MAD1L1: variants seen among roughly 807,000 people sequenced by gnomAD.
MAD1L1 encodes mitotic arrest deficient 1 like 1.
A neutral mutation model predicts 96.9 loss-of-function variants in MAD1L1; 95 were observed. The ratio of observed to expected loss-of-function variants is 0.98; its 90% CI spans 0.83 to 1.16. The LOEUF is 1.16. MAD1L1 is among the 50% of genes most tolerant of loss of function. MAD1L1 has a pLI of 0.00. For synonymous variants in MAD1L1, 473 were observed against 396.6 expected, an observed-to-expected ratio of 1.19 and a Z score of -2.29; for missense variants, 1,007 against 954.4, an observed-to-expected ratio of 1.06 and a Z score of -0.73.
Position 1,976,966 on chromosome 7 carries a change from T to C in MAD1L1, c.1505+3487A>G, listed in dbSNP as rs150130700. Reference sequence around the variant, plus strand: ...TTACAAACCTTTAGCTAGACACAGATTGCTGATTGGTGCATTTACAATCCT... The same window carrying C: ...TTACAAACCTTTAGCTAGACACAGACTGCTGATTGGTGCATTTACAATCCT... On this transcript the variant is annotated intron_variant, in intron 15 of 18. Coordinates refer to ENST00000265854, the MANE Select transcript of MAD1L1 (RefSeq NM_001013836.2). Among the ~76,000 whole-genome samples the C allele has an allele frequency of 3.1e-3, 474 of 152,234 alleles. 1 individual carries two copies. Among genetic ancestry groups the C allele is most frequent in the African/African-American group, 0.011 (447 of 41,530 alleles).
chr7:1,923,633 G>T (rs1788928755), intron 17 of MAD1L1, among the ~76,000 whole-genome samples: 1 of 152,278 alleles, frequency 6.6e-6, no homozygotes, highest in South Asian at 2.1e-4. Flanking sequence ...CCAACGCTGT[G>T]GCTGGCGTTG....
rs922190034 is a variant in MAD1L1, at chr7:2,192,975, TTAAA to T, written c.986+20233_986+20236del. Among the ~76,000 whole-genome samples, 198 of 152,282 alleles carry T rather than the reference TTAAA, an allele frequency of 1.3e-3. 1 individual carries two copies. Among genetic ancestry groups the T allele is most frequent in the African/African-American group, 4.7e-3 (194 of 41,554 alleles). Reference sequence around the variant, plus strand: ...ATTCAAGCTTAGCCCTGGGAGATAATTAAATAAAATTAATTTGGCAAGGGTTGTC... The same window carrying T: ...ATTCAAGCTTAGCCCTGGGAGATAATTAAAATTAATTTGGCAAGGGTTGTC... On this transcript the variant is annotated intron_variant, in intron 10 of 18. Coordinates refer to ENST00000265854, the MANE Select transcript of MAD1L1 (RefSeq NM_001013836.2).
At chr7:1,870,343 G>GT (rs1201219856) in intron 18 of MAD1L1, among the ~76,000 whole-genome samples, 5 of 135,604 alleles carry the variant, frequency 3.7e-5, no homozygotes, top group African/African-American at 1.4e-4. Flanking sequence ...TGAACCTACC[G>GT]TAACACCTGC....
At chr7:1,898,493 G>A in intron 17 of MAD1L1, 103 bp from the exon 18 acceptor site, 1 of 956,718 alleles carries the variant, frequency 1.0e-6, no homozygotes. Flanking sequence ...AGGTGGGAGT[G>A]GCGGCTGCCC....
intron 17 of MAD1L1, among the ~76,000 whole-genome samples, 197 bp from the exon 18 acceptor site, chr7:1,898,587 C>T (rs1475198850): frequency 4.6e-5 from 7 of 152,174 alleles, no homozygotes; most frequent in Non-Finnish European, 8.8e-5. Context: ...GAGCTGATAA[C>T]GGCTGACCCT....
chr7:2,102,188 C>A (rs369278802), intron 11 of MAD1L1, among the ~76,000 whole-genome samples: 2 of 145,692 alleles, frequency 1.4e-5, no homozygotes, highest in East Asian at 4.0e-4. Flanking sequence ...TCACCACAAC[C>A]ACCATCACCA....
chr7:2,172,627 G>A (rs985148504), intron 10 of MAD1L1, among the ~76,000 whole-genome samples: 3 of 152,252 alleles, frequency 2.0e-5, no homozygotes, highest in South Asian at 2.1e-4. Flanking sequence ...CAACTTCCCA[G>A]CAGCATCCAG....
chr7:2,099,529 G>C (rs1349832379), intron 11 of MAD1L1, among the ~76,000 whole-genome samples: 1 of 152,218 alleles, frequency 6.6e-6, no homozygotes, highest in Non-Finnish European at 1.5e-5. Context: ...ATTTGCAAAA[G>C]AGACAGCTAG....
In MAD1L1 at chr7:2,175,517, A is replaced by C. The variant is rs977995149; in HGVS notation, c.987-26279T>G. The C allele has an allele frequency of 1.4e-3, 197 of 138,946 alleles. 1 individual carries two copies. The highest frequency in any genetic ancestry group is 5.6e-3 in the African/African-American group (188 of 33,368). The allele number at this position is 138,946 out of a possible 1,614,324, so 8.6% of individuals were successfully genotyped here. On this transcript the variant is annotated intron_variant, in intron 10 of 18. Transcript: ENST00000265854. ...CCAAAAAAAAAAAAAAAAAAAAAAA[A>C]CCCACCACACTTCTCACTGCAGTAT...
At chr7:2,080,253 G>A (rs552532760) in intron 11 of MAD1L1, among the ~76,000 whole-genome samples, 4 of 152,224 alleles carry the variant, frequency 2.6e-5, no homozygotes, top group African/African-American at 7.2e-5. Context: ...GACAGAGCCC[G>A]TGGCTCAAAA....
chr7:2,117,632 C>T (rs1320550250), intron 11 of MAD1L1, among the ~76,000 whole-genome samples: 1 of 152,160 alleles, frequency 6.6e-6, no homozygotes, highest in African/African-American at 2.4e-5. Context: ...TTCCTGTCAC[C>T]ATGTAAAGAA....
intron 10 of MAD1L1, among the ~76,000 whole-genome samples, chr7:2,194,088 T>A (rs1248311980): frequency 6.6e-6 from 1 of 151,892 alleles, no homozygotes; most frequent in Non-Finnish European, 1.5e-5. Flanking sequence ...GGACCATGGG[T>A]GCGTGCCACC....
At chr7:2,182,653 G>A (rs540535153) in intron 10 of MAD1L1, among the ~76,000 whole-genome samples, 12 of 152,198 alleles carry the variant, frequency 7.9e-5, no homozygotes, top group South Asian at 2.1e-4. Flanking sequence ...GCGCTGATCC[G>A]TGCCACAGGG....
chr7:2,101,685 A>G (rs757299384), intron 11 of MAD1L1, among the ~76,000 whole-genome samples: 1 of 152,182 alleles, frequency 6.6e-6, no homozygotes, highest in Non-Finnish European at 1.5e-5. Flanking sequence ...AAGAACAAAG[A>G]CGCTTCTTCC....
At chr7:1,910,918 G>T (rs1018971850) in intron 17 of MAD1L1, among the ~76,000 whole-genome samples, 1 of 152,170 alleles carries the variant, frequency 6.6e-6, no homozygotes, top group Non-Finnish European at 1.5e-5. Flanking sequence ...GGCGATGTGG[G>T]GCCACAGTGT....
chr7:2,053,999 G>C (rs371341199), intron 12 of MAD1L1, among the ~76,000 whole-genome samples: 1 of 152,238 alleles, frequency 6.6e-6, no homozygotes. Context: ...TGCAGAGGGA[G>C]GCAGGGCGGG....
At chr7:1,901,359 G>A (rs1787232545) in intron 17 of MAD1L1, among the ~76,000 whole-genome samples, 1 of 152,218 alleles carries the variant, frequency 6.6e-6, no homozygotes, top group Non-Finnish European at 1.5e-5. Context: ...AAGAGCCCGG[G>A]GTTCCTCTGG....
rs551325840 is a variant in MAD1L1 at position 2,195,007 on chromosome 7, G to A, written c.986+18205C>T. ...GGAGGCTGAGGCAGGAGAATCGCTT[G>A]AACCTGGGAGGCTGAGGTTGCAGCA... On this transcript the variant is annotated intron_variant, in intron 10 of 18. Coordinates refer to ENST00000265854, the MANE Select transcript of MAD1L1 (RefSeq NM_001013836.2). Among the ~76,000 whole-genome samples the A allele has an allele frequency of 7.9e-5, 12 of 151,926 alleles. No homozygotes were observed. In the South Asian group the frequency reaches 2.3e-3, roughly 29 times the overall value.
intron 18 of MAD1L1, among the ~76,000 whole-genome samples, chr7:1,816,464 G>T (rs1781811461): frequency 1.3e-5 from 2 of 152,124 alleles, no homozygotes; most frequent in Non-Finnish European, 2.9e-5. Flanking sequence ...GGCAGTTGGG[G>T]GTCCCAGGCA....
Sources: allele counts gnomAD v4.1 joint callset (sites outside exome capture counted in the v4.1 genomes callset), GRCh38; gene constraint gnomAD v4.1.1; transcripts MANE v1.5; gene names NCBI Gene and HGNC (gene_info 2026-07-23, HGNC 2026-07-21).